Variants in MTHFD1 observed in about 807,000 individuals in gnomAD.
MTHFD1 encodes the protein C-1-tetrahydrofolate synthase, cytoplasmic.
Under a neutral mutation model 110.3 loss-of-function variants are expected in MTHFD1, and 44 were observed. That is an observed-to-expected ratio of 0.40 (90% CI 0.31 to 0.51). MTHFD1 has a LOEUF of 0.51. MTHFD1 is among the 20% of genes least tolerant of loss of function. The probability of loss-of-function intolerance (pLI) is 0.60; values close to 1 mark genes in which losing one functional copy is unlikely to be tolerated. For synonymous variants in MTHFD1, 402 were observed against 428.8 expected (o/e 0.94, Z 0.77); for missense variants, 909 against 1,173.1 (o/e 0.77, Z 3.29).
chr14:64,407,120 TC>T (rs2077941751), intron 2 of MTHFD1, among the ~76,000 whole-genome samples: 2 of 152,258 alleles, frequency 1.3e-5, no homozygotes, highest in South Asian at 4.1e-4. Context: ...ATGAGTAACT[TC>T]CCAAATAACT....
Position 64,451,105 on chromosome 14 carries a change from G to A in MTHFD1, c.2457+1483G>A, listed in dbSNP as rs149165162. ...AATCGCTTGAACCCGGGAGGCGGACGTTGCAATGAGCTGAGATCACTGCAC... is the reference window on the plus strand; with the variant it reads ...AATCGCTTGAACCCGGGAGGCGGACATTGCAATGAGCTGAGATCACTGCAC... On this transcript the variant is annotated intron_variant, in intron 24 of 27. Coordinates refer to ENST00000652337, the MANE Select transcript of MTHFD1 (RefSeq NM_005956.4). Among the ~76,000 whole-genome samples, 167 of 152,234 alleles carry A rather than the reference G, an allele frequency of 1.1e-3. 1 individual carries two copies. The highest frequency in any genetic ancestry group is 3.8e-3 in the African/African-American group (159 of 41,538).
chr14:64,421,736 G>A (rs757349660), intron 8 of MTHFD1, among the ~76,000 whole-genome samples: 18 of 151,506 alleles, frequency 1.2e-4, no homozygotes, highest in Admixed American at 2.6e-4. Context: ...CCATTCTCCC[G>A]CCTCCGCCTC....
At chr14:64,446,727 T>A (rs111303636) in intron 22 of MTHFD1, among the ~76,000 whole-genome samples, 23,626 of 152,058 alleles carry the variant, frequency 0.16, 2,206 homozygotes, top group African/African-American at 0.26. Context: ...TATTTTTAGT[T>A]GAGACGGGGT....
intron 26 of MTHFD1, among the ~76,000 whole-genome samples, chr14:64,455,940 TGTACATCA>T (rs1306013631): frequency 2.6e-5 from 4 of 152,248 alleles, no homozygotes; most frequent in Non-Finnish European, 5.9e-5. Context: ...CTTGCTATGA[TGTACATCA>T]GTCTCCAGGA....
At chr14:64,410,062 C>A (rs1322468308) in intron 2 of MTHFD1, among the ~76,000 whole-genome samples, 1 of 152,070 alleles carries the variant, frequency 6.6e-6, no homozygotes, top group Non-Finnish European at 1.5e-5. Context: ...ACCACTGGAG[C>A]ATGAAACAAT....
intron 24 of MTHFD1, among the ~76,000 whole-genome samples, chr14:64,453,486 G>T (rs542295727): frequency 2.0e-5 from 3 of 152,110 alleles, no homozygotes; most frequent in Non-Finnish European, 2.9e-5. Flanking sequence ...CAGGAGAATC[G>T]CTTGAACCTG....
chr14:64,451,641 T>C (rs1367691859), intron 24 of MTHFD1, among the ~76,000 whole-genome samples: 1 of 152,230 alleles, frequency 6.6e-6, no homozygotes, highest in Non-Finnish European at 1.5e-5. Context: ...AGCCCAGTCC[T>C]TGAAAACCAG....
chr14:64,430,894 ACTC>A (rs1475736564), intron 13 of MTHFD1, among the ~76,000 whole-genome samples: 1 of 151,510 alleles, frequency 6.6e-6, no homozygotes, highest in African/African-American at 2.4e-5. Flanking sequence ...GCTCCCGTGC[ACTC>A]CTCCTCGCTG....
At chr14:64,399,398 C>T (rs563209096) in intron 1 of MTHFD1, among the ~76,000 whole-genome samples, 7 of 152,260 alleles carry the variant, frequency 4.6e-5, no homozygotes, top group African/African-American at 1.7e-4. Flanking sequence ...CAGTGGCTCA[C>T]GCCTGTAATC....
chr14:64,444,992 T>C (rs2078279438), intron 22 of MTHFD1: 2 of 514,958 alleles, frequency 3.9e-6, no homozygotes, highest in Non-Finnish European at 7.1e-6. Context: ...CAGCTGATTT[T>C]GACCCCGGGG....
intron 7 of MTHFD1, among the ~76,000 whole-genome samples, chr14:64,418,450 CA>C (rs202143596): frequency 3.0e-4 from 39 of 131,496 alleles, no homozygotes; most frequent in East Asian, 4.5e-4. Context: ...GACCCTGTCT[CA>C]AAAAAAAAAA....
At chr14:64,424,756 G>T (rs1328075859) in intron 8 of MTHFD1, 48 bp from the exon 9 acceptor site, 1 of 1,608,894 alleles carries the variant, frequency 6.2e-7, no homozygotes, top group Admixed American at 1.7e-5. Context: ...CTGATCACCA[G>T]GACTGTGATT....
chr14:64,388,705 CTA>C (rs2077782800), intron 1 of MTHFD1: 2 of 598,358 alleles, frequency 3.3e-6, no homozygotes, highest in Admixed American at 5.8e-5. Flanking sequence ...CCTGTGCCGA[CTA>C]TGCTCCCAAA....
At chr14:64,454,012 G>T (rs1013679772) in intron 25 of MTHFD1, 151 bp downstream of exon 25, 8 of 690,426 alleles carry the variant, frequency 1.2e-5, no homozygotes, top group Non-Finnish European at 1.9e-5. Context: ...TTTGGATTAG[G>T]TGGCACAGTC....
intron 7 of MTHFD1, among the ~76,000 whole-genome samples, chr14:64,419,438 C>A (rs1002962581): frequency 6.6e-6 from 1 of 152,194 alleles, no homozygotes; most frequent in African/African-American, 2.4e-5. Context: ...AGGAGAGAGG[C>A]CTAGTACTTT....
intron 24 of MTHFD1, among the ~76,000 whole-genome samples, chr14:64,452,435 G>A (rs1385120736): frequency 6.6e-6 from 1 of 152,110 alleles, no homozygotes; most frequent in African/African-American, 2.4e-5. Context: ...CAACCTCTCC[G>A]TATGCTGTTC....
intron 1 of MTHFD1, among the ~76,000 whole-genome samples, chr14:64,392,084 C>T (rs1278952123): frequency 2.0e-5 from 3 of 152,184 alleles, no homozygotes; most frequent in African/African-American, 7.2e-5. Context: ...GACTTACGGG[C>T]AAAGACTTGA....
chr14:64,428,475 T>C (rs879446602), intron 12 of MTHFD1, among the ~76,000 whole-genome samples: 1 of 151,764 alleles, frequency 6.6e-6, no homozygotes, highest in East Asian at 1.9e-4. Context: ...TAGCTTTCTC[T>C]GCTTGGTGAG....
chr14:64,437,524 T>C (rs969272110), intron 16 of MTHFD1, among the ~76,000 whole-genome samples: 1 of 152,228 alleles, frequency 6.6e-6, no homozygotes, highest in Non-Finnish European at 1.5e-5. Context: ...GGATATTGAC[T>C]GAGTATCCTA....
Sources: gnomAD v4.1 joint callset for allele counts (sites outside exome capture counted in the v4.1 genomes callset) on GRCh38, gnomAD v4.1.1 for gene constraint, MANE v1.5 for transcripts, NCBI Gene and HGNC (gene_info 2026-07-23, HGNC 2026-07-21) for gene names.